The following CDH13 variants were observed in gnomAD, a reference collection of about 807,000 sequenced individuals.
CDH13 encodes the protein cadherin-13.
In CDH13, 24 loss-of-function variants were observed where a neutral mutation model predicts 63.8. The observed-to-expected ratio is 0.38, with a 90% CI of 0.27 to 0.53. The LOEUF (loss-of-function observed/expected upper bound fraction) is 0.53, where lower values mean the gene tolerates loss of function less well. Among genes scored for constraint, CDH13 ranks in the 20% least tolerant of loss-of-function variants. The pLI is 0.85. For missense variants in CDH13, 1,049 were observed against 903.1 expected (o/e 1.16, Z -2.07); for synonymous variants, 503 against 355.3 (o/e 1.42, Z -4.67).
rs891627486 is a variant in CDH13 at position 83,094,473 on chromosome 16, T to C, written c.367-30912T>C. Among the ~76,000 whole-genome samples the C allele has an allele frequency of 3.9e-5, 6 of 152,204 alleles. No individual in the cohort carries two copies. In the East Asian group the frequency reaches 1.2e-3, roughly 29 times the overall value. On this transcript the variant is annotated intron_variant, in intron 3 of 13. Coordinates refer to ENST00000567109, the MANE Select transcript of CDH13 (RefSeq NM_001257.5). ...TTAAGATGAGGAGAACCCTTCTGTG[T>C]TGTCCTTACTCAGGACAAGGAGCTG...
chr16:82,829,015 G>C (rs2038397100), intron 1 of CDH13, among the ~76,000 whole-genome samples: 1 of 152,066 alleles, frequency 6.6e-6, no homozygotes, highest in African/African-American at 2.4e-5. Context: ...TAGAGCGATG[G>C]GTTTTAGAAA....
intron 2 of CDH13, among the ~76,000 whole-genome samples, chr16:82,963,858 C>T (rs149170946): frequency 1.5e-4 from 23 of 152,252 alleles, no homozygotes; most frequent in Middle Eastern, 6.8e-3. Context: ...CATGATCCTA[C>T]GGGAGCAATG....
At chr16:83,675,386 G>A (rs1914869600) in intron 9 of CDH13, among the ~76,000 whole-genome samples, 1 of 152,176 alleles carries the variant, frequency 6.6e-6, no homozygotes, top group Non-Finnish European at 1.5e-5. Context: ...GCCTCACATT[G>A]TATGGCTCCC....
At chr16:82,831,364 T>C (rs1004801088) in intron 1 of CDH13, among the ~76,000 whole-genome samples, 2 of 152,084 alleles carry the variant, frequency 1.3e-5, no homozygotes, top group African/African-American at 4.8e-5. Context: ...TGGTTGATTA[T>C]CTAAGAAGCT....
intron 1 of CDH13, among the ~76,000 whole-genome samples, chr16:82,741,648 A>T (rs139569580): frequency 6.6e-6 from 1 of 152,362 alleles, no homozygotes; most frequent in East Asian, 1.9e-4. Context: ...GATTTTAAAA[A>T]TAAGCATTTA....
intron 1 of CDH13, among the ~76,000 whole-genome samples, chr16:82,796,337 C>T (rs770247647): frequency 6.6e-6 from 1 of 152,194 alleles, no homozygotes; most frequent in African/African-American, 2.4e-5. Flanking sequence ...TCTCGCTCTT[C>T]TCTTCCATTT....
At chr16:83,149,897 C>G (rs1348394359) in intron 4 of CDH13, among the ~76,000 whole-genome samples, 3 of 152,028 alleles carry the variant, frequency 2.0e-5, no homozygotes, top group African/African-American at 7.2e-5. Context: ...GTCTTTTTTT[C>G]TTCTTCCCAG....
At chr16:83,385,171 T>G (rs2091648254) in intron 6 of CDH13, among the ~76,000 whole-genome samples, 1 of 152,250 alleles carries the variant, frequency 6.6e-6, no homozygotes, top group African/African-American at 2.4e-5. Flanking sequence ...GACCAAAGTA[T>G]AAAATTCTTT....
intron 2 of CDH13, among the ~76,000 whole-genome samples, chr16:82,922,769 A>G (rs2042195725): frequency 6.6e-6 from 1 of 152,142 alleles, no homozygotes; most frequent in African/African-American, 2.4e-5. Context: ...GGAAAATAAA[A>G]TCTCTTTGGT....
chr16:82,698,749 C>T (rs978612016), intron 1 of CDH13, among the ~76,000 whole-genome samples: 7 of 152,166 alleles, frequency 4.6e-5, no homozygotes, highest in African/African-American at 1.4e-4. Flanking sequence ...AGAATCGGAA[C>T]ATTTTTTACA....
At chr16:83,099,140 A>G (rs1284753972) in intron 3 of CDH13, among the ~76,000 whole-genome samples, 5 of 152,188 alleles carry the variant, frequency 3.3e-5, no homozygotes, top group Non-Finnish European at 7.3e-5. Flanking sequence ...TCTAAGATAT[A>G]TAAGATCCTA....
rs1597768285 is a variant in CDH13 at position 83,331,485 on chromosome 16, A to G, written c.637-13377A>G. 3.3e-5 allele frequency among the ~76,000 whole-genome samples: 5 copies of G among 152,332 alleles called. No individual in the cohort carries two copies. In the South Asian group the frequency reaches 1.0e-3, roughly 32 times the overall value. The stretch of plus-strand genomic sequence containing the variant: ...ATGTCTTAGAGTTTAACAGCCACCC[A>G]TAGCTCCCCATTTGTAATAAACTCT... On this transcript the variant is annotated intron_variant, in intron 5 of 13. Coordinates refer to ENST00000567109, the MANE Select transcript of CDH13 (RefSeq NM_001257.5).
intron 2 of CDH13, among the ~76,000 whole-genome samples, chr16:82,892,992 A>G (rs1341366025): frequency 3.9e-5 from 6 of 152,232 alleles, no homozygotes; most frequent in South Asian, 2.1e-4. Context: ...TAACTTTACT[A>G]TATACTTGTT....
chr16:83,784,325 C>T (rs772624220), intron 13 of CDH13, among the ~76,000 whole-genome samples: 76 of 152,040 alleles, frequency 5.0e-4, no homozygotes, highest in Non-Finnish European at 9.1e-4. Flanking sequence ...AGACCAGAGT[C>T]CTGTGAGTAG....
chr16:83,478,486 A>G (rs566590416), intron 6 of CDH13, among the ~76,000 whole-genome samples: 1 of 152,236 alleles, frequency 6.6e-6, no homozygotes, highest in Non-Finnish European at 1.5e-5. Flanking sequence ...AACTCACATT[A>G]TCAAGCACTT....
chr16:83,011,257 A>G (rs1281217541), intron 2 of CDH13, among the ~76,000 whole-genome samples: 1 of 152,186 alleles, frequency 6.6e-6, no homozygotes, highest in Non-Finnish European at 1.5e-5. Context: ...GTGGAGAAAT[A>G]ATAGTAATAT....
intron 2 of CDH13, among the ~76,000 whole-genome samples, chr16:82,978,985 G>A (rs1004650605): frequency 6.6e-6 from 1 of 152,208 alleles, no homozygotes; most frequent in African/African-American, 2.4e-5. Flanking sequence ...GGGTGGAGCT[G>A]CCCAAGATCA....
At chr16:83,280,190 A>C (rs949686931) in intron 5 of CDH13, among the ~76,000 whole-genome samples, 1 of 152,192 alleles carries the variant, frequency 6.6e-6, no homozygotes, top group African/African-American at 2.4e-5. Context: ...CATTTTACCT[A>C]CTGCAGAACT....
At position 83,527,114 on chromosome 16, in the gene CDH13, G is replaced by A. The variant is rs555156223; in HGVS notation, c.960+40459G>A. Among the ~76,000 whole-genome samples, 24 of 148,472 alleles carry A rather than the reference G, an allele frequency of 1.6e-4. No individual in the cohort carries two copies. The South Asian group carries it at 5.2e-3, about 32-fold the overall frequency. On this transcript the variant is annotated intron_variant, in intron 7 of 13. Coordinates refer to ENST00000567109, the MANE Select transcript of CDH13 (RefSeq NM_001257.5). ...CCACTGCCCTGCAGCCTGGGCAACA[G>A]AGCAAGACTCTGTCTCAAAAAAAAA...
Sources: gnomAD v4.1 joint callset for allele counts (sites outside exome capture counted in the v4.1 genomes callset) on GRCh38, gnomAD v4.1.1 for gene constraint, MANE v1.5 for transcripts, NCBI Gene and HGNC (gene_info 2026-07-23, HGNC 2026-07-21) for gene names.